The following SPRYD3 variants were observed in gnomAD, a reference collection of about 807,000 sequenced individuals.
SPRYD3 encodes SPRY domain-containing protein 3.
Under a neutral mutation model 50.1 loss-of-function variants are expected in SPRYD3, and 17 were observed. The ratio of observed to expected loss-of-function variants is 0.34; its 90% CI spans 0.23 to 0.51. SPRYD3 has a LOEUF of 0.51. SPRYD3 is among the 20% of genes least tolerant of loss of function. The pLI is 0.97. For missense variants in SPRYD3, 401 were observed against 591.2 expected (o/e 0.68, Z 3.34); for synonymous variants, 198 against 215.5 (o/e 0.92, Z 0.71).
chr12:53,066,424 C>A lies in SPRYD3; in HGVS notation c.1084G>T (p.Val362Leu). 6.2e-7 allele frequency: 1 copy of A among 1,614,136 alleles called. No individual in the cohort carries two copies. The highest frequency in any genetic ancestry group is 2.2e-5 in the East Asian group (1 of 44,866). ...LSPTARAVRNVRNVMYLHQEG... is the reference protein window; with the variant it reads ...LSPTARAVRNLRNVMYLHQEG... ...TGGTGCAGGTACATGACATTCCGCA[C>A]GTTCCGGACGGCCCGGGCAGTCGGA... Residue 362 changes from valine (V) to leucine (L), a missense_variant, in exon 10 of 11, where the codon GTG becomes TTG. Coordinates refer to ENST00000301463, the MANE Select transcript of SPRYD3 (RefSeq NM_032840.3).
chr12:53,067,375 G>A (rs1207745627), intron 8 of SPRYD3, among the ~76,000 whole-genome samples: 1 of 152,094 alleles, frequency 6.6e-6, no homozygotes, highest in Non-Finnish European at 1.5e-5. Flanking sequence ...AGGAAATGAG[G>A]GTCTGCAGGA....
chr12:53,077,069 G>T, intron 2 of SPRYD3, 46 bp downstream of exon 2: 1 of 1,562,916 alleles, frequency 6.4e-7, no homozygotes, highest in Non-Finnish European at 8.8e-7. Flanking sequence ...TCCTCTCTAA[G>T]ATCTGGAACA....
chr12:53,070,494 A>G (rs1431285229), intron 6 of SPRYD3, among the ~76,000 whole-genome samples: 1 of 152,158 alleles, frequency 6.6e-6, no homozygotes, highest in Non-Finnish European at 1.5e-5. Context: ...CTCAACCTGT[A>G]CCTCAGAATC....
rs890520953 is a variant in SPRYD3 at position 53,074,860 on chromosome 12, T to C, written c.372-76A>G. On this transcript the variant is annotated intron_variant, in intron 4 of 10. Transcript: ENST00000301463. This position sits in a 1 kb window ranked among gnomAD's most constrained non-coding sequence, Gnocchi z 4.6. ...CTCCCCAGCACTGACAGCAGAGGCC[T>C]CATCCTCATCTTGCTGCTCCTGGTC... The C allele has an allele frequency of 1.3e-6, 2 of 1,549,132 alleles. No homozygotes were observed. The highest frequency in any genetic ancestry group is 1.7e-5 in the Admixed American group (1 of 58,182).
At chr12:53,073,125 C>T (rs1054205179) in intron 6 of SPRYD3, 161 bp downstream of exon 6, 29 of 546,200 alleles carry the variant, frequency 5.3e-5, no homozygotes, top group Non-Finnish European at 8.3e-5. Flanking sequence ...CAGATCTGGA[C>T]TCAAGGACTC....
chr12:53,073,843 CAAA>C (rs1179115235), intron 5 of SPRYD3, among the ~76,000 whole-genome samples: 4 of 63,626 alleles, frequency 6.3e-5, no homozygotes, highest in Admixed American at 1.8e-4. Flanking sequence ...GACTCCATTT[CAAA>C]AAAAAAAAAA....
intron 1 of SPRYD3, among the ~76,000 whole-genome samples, chr12:53,077,658 G>A (rs990069595): frequency 3.3e-5 from 5 of 152,224 alleles, no homozygotes; most frequent in African/African-American, 1.2e-4. Context: ...AGCTAGGCAT[G>A]ACAAGCCAGG....
rs963915122 is a variant in SPRYD3, at chr12:53,074,229, C to T, written c.507+420G>A. ...TCTACGAACAGGATAGTGAAAGAGA[C>T]GTGAAACAAGGAAAACAGGACACAG... On this transcript the variant is annotated intron_variant, in intron 5 of 10. Coordinates refer to ENST00000301463, the MANE Select transcript of SPRYD3 (RefSeq NM_032840.3). This position sits in a 1 kb window ranked among gnomAD's most constrained non-coding sequence, Gnocchi z 4.6. Among the ~76,000 whole-genome samples the T allele has an allele frequency of 2.0e-5, 3 of 152,248 alleles. No homozygotes were observed. The highest frequency in any genetic ancestry group is 3.4e-3 in the Middle Eastern group (1 of 294).
chr12:53,078,187 A>G, intron 1 of SPRYD3: 1 of 411,314 alleles, frequency 2.4e-6, no homozygotes, highest in South Asian at 1.7e-5. Context: ...TCAAAAAAAA[A>G]AGAAAAAAAA....
chr12:53,072,331 C>T (rs1944555800), intron 6 of SPRYD3, among the ~76,000 whole-genome samples: 1 of 152,152 alleles, frequency 6.6e-6, no homozygotes, highest in Admixed American at 6.5e-5. Context: ...CTGAGTTCCA[C>T]TCCACCAGGG....
At chr12:53,073,256 G>GCCCCCGGGGGGGGGGGGCCCCCCCCCC in intron 6 of SPRYD3, 30 bp downstream of exon 6, 2 of 424,134 alleles carry the variant, frequency 4.7e-6, no homozygotes, top group East Asian at 3.8e-5. Context: ...CTCCGACCCA[G>GCCCCCGGGGGGGGGGGGCCCCCCCCCC]CCCCTCCCAC....
intron 6 of SPRYD3, among the ~76,000 whole-genome samples, chr12:53,069,985 C>T (rs1944537692): frequency 2.0e-5 from 3 of 152,194 alleles, no homozygotes; most frequent in Admixed American, 6.5e-5. Flanking sequence ...GGGAAATACC[C>T]GGCCAGCCCC....
At position 53,078,310 on chromosome 12, in the gene SPRYD3, A is replaced by T. The variant is rs144475304; in HGVS notation, c.23+1001T>A. The T allele has an allele frequency of 2.8e-3, 762 of 269,454 alleles. 2 individuals carry two copies. Among genetic ancestry groups the T allele is most frequent in the African/African-American group, 0.016 (705 of 44,120 alleles). The allele number at this position is 269,454 out of a possible 1,614,324, so 16.7% of individuals were successfully genotyped here. ...AAGACCAGCCTGACCAACATGGTGA[A>T]ACCCCATCTCTACTAAAAATACAAA... On this transcript the variant is annotated intron_variant, in intron 1 of 10. Transcript: ENST00000301463.
rs1009312680 is a variant in SPRYD3, at chr12:53,074,555, G to A, written c.507+94C>T. Reference sequence around the variant, plus strand: ...TGGGAACTCAGTGCAAGGGTCCCTGGGCAAGCCCCAGCCAGCAGACTCTTC... The same window carrying A: ...TGGGAACTCAGTGCAAGGGTCCCTGAGCAAGCCCCAGCCAGCAGACTCTTC... On this transcript the variant is annotated intron_variant, in intron 5 of 10. Coordinates refer to ENST00000301463, the MANE Select transcript of SPRYD3 (RefSeq NM_032840.3). This position sits in a 1 kb window ranked among gnomAD's most constrained non-coding sequence, Gnocchi z 4.6. 159 of 1,522,614 alleles carry A rather than the reference G, an allele frequency of 1.0e-4. No individual in the cohort carries two copies. The highest frequency in any genetic ancestry group is 1.5e-4 in the African/African-American group (11 of 73,216). The allele number at this position is 1,522,614 out of a possible 1,614,324, so 94.3% of individuals were successfully genotyped here.
intron 6 of SPRYD3, among the ~76,000 whole-genome samples, chr12:53,070,050 G>C (rs774316080): frequency 9.9e-5 from 15 of 152,192 alleles, no homozygotes; most frequent in Non-Finnish European, 1.9e-4. Context: ...CTCTGGATAG[G>C]GTGGAGGTGC....
rs2121207294 is a variant in SPRYD3, at chr12:53,074,883, G to C, written c.372-99C>G. ...CCTCATCCTCATCTTGCTGCTCCTGGTCATTCTGTGATGGTACCCACTTAC... is the reference window on the plus strand; with the variant it reads ...CCTCATCCTCATCTTGCTGCTCCTGCTCATTCTGTGATGGTACCCACTTAC... On this transcript the variant is annotated intron_variant, in intron 4 of 10. Coordinates refer to ENST00000301463, the MANE Select transcript of SPRYD3 (RefSeq NM_032840.3). The surrounding 1 kb of genome is among the most constrained non-coding windows in gnomAD (Gnocchi z 4.6). 1 of 1,488,860 alleles carries C rather than the reference G, an allele frequency of 6.7e-7. No homozygotes were observed. The highest frequency in any genetic ancestry group is 1.2e-5 in the South Asian group (1 of 82,704). The allele number at this position is 1,488,860 out of a possible 1,614,324, so 92.2% of individuals were successfully genotyped here.
At chr12:53,068,569 C>G (rs1042028783) in intron 6 of SPRYD3, among the ~76,000 whole-genome samples, 1 of 152,200 alleles carries the variant, frequency 6.6e-6, no homozygotes, top group Non-Finnish European at 1.5e-5. Flanking sequence ...CCGGGGAAAG[C>G]AGCACAGCTA....
At chr12:53,073,259 C>CCCGGGGG (rs2121204567) in intron 6 of SPRYD3, 27 bp downstream of exon 6, 2 of 400,928 alleles carry the variant, frequency 5.0e-6, no homozygotes, top group African/African-American at 2.1e-5. Flanking sequence ...CGACCCAGCC[C>CCCGGGGG]CTCCCACCCT....
chr12:53,071,007 G>A (rs893852796), intron 6 of SPRYD3, among the ~76,000 whole-genome samples: 3 of 152,002 alleles, frequency 2.0e-5, no homozygotes, highest in Non-Finnish European at 4.4e-5. Context: ...GGACAGTCTC[G>A]TGCACTCCAC....
Sources: allele counts gnomAD v4.1 joint callset (sites outside exome capture counted in the v4.1 genomes callset), GRCh38; gene constraint gnomAD v4.1.1; non-coding constraint Gnocchi (gnomAD v3.1); transcripts MANE v1.5; gene names NCBI Gene and HGNC (gene_info 2026-07-23, HGNC 2026-07-21).